The following HPSE2 variants were observed in gnomAD, a reference collection of about 807,000 sequenced individuals.
HPSE2 encodes inactive heparanase-2.
Under a neutral mutation model 60.5 loss-of-function variants are expected in HPSE2, and 38 were observed. The observed-to-expected ratio is 0.63, with a 90% confidence interval of 0.48 to 0.82. The LOEUF is 0.82. Ranked by LOEUF, HPSE2 falls within the 40% of genes least tolerant of loss-of-function variation. The pLI is 0.00. For synonymous variants in HPSE2, 295 were observed against 293.2 expected (o/e 1.01, Z -0.06); for missense variants, 713 against 740.4 (o/e 0.96, Z 0.43).
chr10:98,505,687 C>G (rs1368980120), intron 9 of HPSE2, among the ~76,000 whole-genome samples: 3 of 152,128 alleles, frequency 2.0e-5, no homozygotes, highest in African/African-American at 7.2e-5. Flanking sequence ...TTTAACCAAT[C>G]TAGAATTGGT....
intron 9 of HPSE2, among the ~76,000 whole-genome samples, chr10:98,506,820 A>G (rs1942217656): frequency 6.6e-6 from 1 of 152,096 alleles, no homozygotes. Flanking sequence ...TCTTCTCCCT[A>G]CCTACCCTTT....
chr10:98,918,044 T>C (rs1468750500), intron 3 of HPSE2, among the ~76,000 whole-genome samples: 5 of 152,192 alleles, frequency 3.3e-5, no homozygotes, highest in Non-Finnish European at 7.3e-5. Flanking sequence ...TGTACACATA[T>C]GTTATACACA....
intron 9 of HPSE2, among the ~76,000 whole-genome samples, chr10:98,566,406 G>A (rs1944346204): frequency 6.6e-6 from 1 of 152,132 alleles, no homozygotes; most frequent in African/African-American, 2.4e-5. Context: ...CTTTGAACAG[G>A]GGGATTTTGG....
chr10:99,044,477 T>C lies in HPSE2; in HGVS notation c.610+99761A>G, dbSNP rs978387875. Reference sequence around the variant, plus strand: ...CTGACAAAACAACCAGCTAACGACATAATGGCAGAATCAAAATCTCACATT... The same window carrying C: ...CTGACAAAACAACCAGCTAACGACACAATGGCAGAATCAAAATCTCACATT... On this transcript the variant is annotated intron_variant, in intron 3 of 11. Coordinates refer to ENST00000370552, the MANE Select transcript of HPSE2 (RefSeq NM_021828.5). Among the ~76,000 whole-genome samples the C allele has an allele frequency of 2.0e-5, 3 of 152,094 alleles. No homozygotes were observed. In the South Asian group the frequency reaches 6.2e-4, roughly 32 times the overall value.
intron 3 of HPSE2, among the ~76,000 whole-genome samples, chr10:99,061,916 A>G (rs965726559): frequency 7.2e-5 from 11 of 152,186 alleles, no homozygotes; most frequent in Non-Finnish European, 1.5e-4. Flanking sequence ...TTTTTTCCCC[A>G]TGGATGGGAA....
chr10:98,960,711 TTTTTTTTTTGTTTTATTTTTTTTATTTTA>T (rs1564692566), intron 3 of HPSE2, among the ~76,000 whole-genome samples: 4 of 55,868 alleles, frequency 7.2e-5, no homozygotes, highest in African/African-American at 2.7e-4. Context: ...CTTTTTTTTT[TTTTTTTTTTGTTTTATTTTTTTTATTTTA>T]TTTTTTTTTT....
intron 9 of HPSE2, among the ~76,000 whole-genome samples, chr10:98,589,894 A>G (rs748045192): frequency 7.9e-5 from 12 of 152,138 alleles, no homozygotes; most frequent in Non-Finnish European, 1.8e-4. Context: ...TTGGAATTAT[A>G]CAGAATTTAG....
rs1339999788 is a variant in HPSE2 at position 98,940,964 on chromosome 10, C to T, written c.611-196908G>A. On this transcript the variant is annotated intron_variant, in intron 3 of 11. Coordinates refer to ENST00000370552, the MANE Select transcript of HPSE2 (RefSeq NM_021828.5). ...CAATAAATGTAATCCAGCATATAAA[C>T]AGAACCAAAGACAAAAACCACATGA... is the stretch of plus-strand genomic sequence containing the variant. Among the ~76,000 whole-genome samples, 2 of 124,366 alleles carry T rather than the reference C, an allele frequency of 1.6e-5. 1 individual carries two copies. Among genetic ancestry groups the T allele is most frequent in the African/African-American group, 7.7e-5 (2 of 26,060 alleles). The allele number at this position is 124,366 out of a possible 152,430, so 81.6% of individuals were successfully genotyped here.
intron 3 of HPSE2, among the ~76,000 whole-genome samples, chr10:98,967,481 G>C (rs111607250): frequency 0.038 from 5,727 of 152,156 alleles, 167 homozygotes; most frequent in Non-Finnish European, 0.061. Flanking sequence ...ACTCTTTCTG[G>C]GAAAGTCTGA....
At chr10:99,256,677 T>A in the HPSE2 span, among the ~76,000 whole-genome samples, 2 of 152,144 alleles carry the variant, frequency 1.3e-5, no homozygotes, top group African/African-American at 4.8e-5. Context: ...CTATCTTTAT[T>A]CTCAAACAAC....
intron 3 of HPSE2, among the ~76,000 whole-genome samples, chr10:98,989,481 C>A (rs1376167905): frequency 1.4e-5 from 2 of 144,764 alleles, no homozygotes; most frequent in African/African-American, 2.6e-5. Context: ...GAACATCAAA[C>A]ACCGGGGACT....
At chr10:98,772,948 A>C (rs988396134) in intron 3 of HPSE2, among the ~76,000 whole-genome samples, 2 of 152,206 alleles carry the variant, frequency 1.3e-5, no homozygotes, top group Non-Finnish European at 2.9e-5. Flanking sequence ...CATTAGGCTG[A>C]AATAAGCTCA....
chr10:99,232,175 A>G (rs917356247), intron 2 of HPSE2, among the ~76,000 whole-genome samples, 173 bp downstream of exon 2: 3 of 151,278 alleles, frequency 2.0e-5, no homozygotes, highest in Non-Finnish European at 2.9e-5. Flanking sequence ...GCGAGGTGCA[A>G]CCAGGCTCTC....
chr10:98,768,053 ACCT>A (rs1344798351), intron 3 of HPSE2, among the ~76,000 whole-genome samples: 1 of 151,808 alleles, frequency 6.6e-6, no homozygotes, highest in African/African-American at 2.4e-5. Context: ...AGGATACTTT[ACCT>A]CCTCTGTGTT....
At chr10:99,258,318 C>T in the HPSE2 span, among the ~76,000 whole-genome samples, 1 of 151,540 alleles carries the variant, frequency 6.6e-6, no homozygotes, top group South Asian at 2.1e-4. Context: ...TTAAAGCCAA[C>T]AAAAGATGTG....
At chr10:99,294,401 TA>T in the HPSE2 span, among the ~76,000 whole-genome samples, 4 of 146,718 alleles carry the variant, frequency 2.7e-5, no homozygotes, top group African/African-American at 7.4e-5. Flanking sequence ...ATATAATATA[TA>T]AATATATAAT....
chr10:98,580,740 C>T (rs1450195505), intron 9 of HPSE2, among the ~76,000 whole-genome samples: 3 of 151,036 alleles, frequency 2.0e-5, no homozygotes, highest in African/African-American at 7.3e-5. Flanking sequence ...TGCCCACATT[C>T]CTACTTCTAT....
At chr10:98,519,571 A>G (rs1334096616) in intron 9 of HPSE2, among the ~76,000 whole-genome samples, 1 of 152,262 alleles carries the variant, frequency 6.6e-6, no homozygotes, top group Non-Finnish European at 1.5e-5. Flanking sequence ...CCTTCTTGGC[A>G]GGCTGCAGAA....
intron 9 of HPSE2, among the ~76,000 whole-genome samples, chr10:98,545,487 AGGCT>A (rs1943637527): frequency 6.6e-6 from 1 of 152,250 alleles, no homozygotes; most frequent in Non-Finnish European, 1.5e-5. Context: ...CTGGGATGGA[AGGCT>A]GGTTCAACAC....
Sources: gnomAD v4.1 joint callset for allele counts (sites outside exome capture counted in the v4.1 genomes callset) on GRCh38, gnomAD v4.1.1 for gene constraint, MANE v1.5 for transcripts, NCBI Gene and HGNC (gene_info 2026-07-23, HGNC 2026-07-21) for gene names.